The following LRMDA variants were observed in gnomAD, a reference collection of about 807,000 sequenced individuals.
The protein encoded by LRMDA is leucine-rich melanocyte differentiation-associated protein.
In LRMDA, 18 loss-of-function variants were observed where a neutral mutation model predicts 29.8. The observed-to-expected ratio is 0.60, with a 90% CI of 0.42 to 0.90. LRMDA has a LOEUF of 0.90. LRMDA is among the 40% of genes least tolerant of loss of function. LRMDA has a pLI of 0.00. For synonymous variants in LRMDA, 125 were observed against 109.4 expected (o/e 1.14, Z -0.89); for missense variants, 273 against 273.9 (o/e 1.00, Z 0.02).
intron 6 of LRMDA, among the ~76,000 whole-genome samples, chr10:76,525,948 A>G (rs1843170427): frequency 6.6e-6 from 1 of 152,188 alleles, no homozygotes; most frequent in Non-Finnish European, 1.5e-5. Context: ...TGACCACAAC[A>G]TTTAATTCTA....
chr10:76,489,464 C>T (rs1395370326), intron 6 of LRMDA, among the ~76,000 whole-genome samples: 2 of 151,742 alleles, frequency 1.3e-5, no homozygotes, highest in African/African-American at 4.8e-5. Flanking sequence ...AAAAAACAAG[C>T]TTTAATTTCA....
intron 2 of LRMDA, among the ~76,000 whole-genome samples, chr10:75,785,170 G>T (rs1482217229): frequency 6.6e-6 from 1 of 152,164 alleles, no homozygotes. Context: ...TCCTCAACTT[G>T]CTTTTAGCTC....
At chr10:76,176,675 C>A (rs539750738) in intron 5 of LRMDA, among the ~76,000 whole-genome samples, 1 of 152,310 alleles carries the variant, frequency 6.6e-6, no homozygotes, top group African/African-American at 2.4e-5. Flanking sequence ...CACCTGTAAT[C>A]CCAGTTAATC....
chr10:75,431,797 C>A, intron 1 of LRMDA, 43 bp downstream of exon 1: 1 of 1,324,496 alleles, frequency 7.6e-7, no homozygotes, highest in South Asian at 2.2e-5. Context: ...GCGCAGTCCG[C>A]GTGGGGAGGG....
chr10:75,562,061 G>A (rs202035359), intron 2 of LRMDA, among the ~76,000 whole-genome samples: 12,774 of 151,974 alleles, frequency 0.084, 805 homozygotes, highest in East Asian at 0.3. Flanking sequence ...TTGGTGCAGA[G>A]CTGAGTTCAA....
intron 2 of LRMDA, among the ~76,000 whole-genome samples, chr10:75,728,442 G>GTGTGTA (rs1375686863): frequency 6.7e-6 from 1 of 149,736 alleles, no homozygotes; most frequent in East Asian, 1.9e-4. Context: ...GTGTGTGTGT[G>GTGTGTA]TGTGTGTGTG....
chr10:76,548,538 G>C (rs563242609), intron 6 of LRMDA, among the ~76,000 whole-genome samples: 13 of 152,106 alleles, frequency 8.5e-5, no homozygotes, highest in Non-Finnish European at 1.6e-4. Flanking sequence ...GGGCTGGGGA[G>C]GAGAGGGGTT....
intron 2 of LRMDA, among the ~76,000 whole-genome samples, chr10:75,459,887 T>C (rs1025701179): frequency 6.6e-6 from 1 of 152,238 alleles, no homozygotes. Flanking sequence ...GCTCCATTCA[T>C]GAAGGTGGAG....
chr10:76,002,845 A>C (rs923803042), intron 2 of LRMDA, among the ~76,000 whole-genome samples: 13 of 152,174 alleles, frequency 8.5e-5, no homozygotes, highest in African/African-American at 2.9e-4. Flanking sequence ...GCCAGACTGC[A>C]AAGAGTGGGC....
intron 5 of LRMDA, among the ~76,000 whole-genome samples, chr10:76,181,245 C>G (rs185550940): frequency 1.7e-4 from 26 of 152,288 alleles, no homozygotes; most frequent in African/African-American, 6.3e-4. Context: ...ATGTGTAACC[C>G]AAAGCCTTGA....
chr10:76,553,180 A>C (rs1431879498), intron 6 of LRMDA, among the ~76,000 whole-genome samples: 1 of 152,236 alleles, frequency 6.6e-6, no homozygotes, highest in Non-Finnish European at 1.5e-5. Flanking sequence ...GTCTTTCGAA[A>C]AGAAACCCCA....
At chr10:76,259,442 T>C (rs1839905787) in intron 5 of LRMDA, among the ~76,000 whole-genome samples, 1 of 152,184 alleles carries the variant, frequency 6.6e-6, no homozygotes. Context: ...CTTGATATAA[T>C]TTTGACTTAT....
At chr10:76,360,522 C>A (rs1466852448) in intron 6 of LRMDA, among the ~76,000 whole-genome samples, 1 of 152,152 alleles carries the variant, frequency 6.6e-6, no homozygotes, top group Non-Finnish European at 1.5e-5. Flanking sequence ...AACTTACCTA[C>A]ATAAAAGGCA....
intron 2 of LRMDA, among the ~76,000 whole-genome samples, chr10:75,627,288 G>T (rs1320847425): frequency 6.6e-6 from 1 of 152,222 alleles, no homozygotes; most frequent in African/African-American, 2.4e-5. Flanking sequence ...TGAGCCAAGG[G>T]TTGAATTTCC....
intron 2 of LRMDA, among the ~76,000 whole-genome samples, chr10:75,504,830 C>T (rs1335956805): frequency 6.6e-6 from 1 of 152,098 alleles, no homozygotes; most frequent in Non-Finnish European, 1.5e-5. Flanking sequence ...ACCCTAAGAA[C>T]AGTGGGAAAC....
At chr10:75,862,060 A>G (rs1535571) in intron 2 of LRMDA, among the ~76,000 whole-genome samples, 90,671 of 151,852 alleles carry the variant, frequency 0.6, 27,644 homozygotes, top group East Asian at 0.9. Flanking sequence ...GGGGCCTCAA[A>G]TGAGACCAGT....
chr10:75,603,185 T>G (rs1840909512), intron 2 of LRMDA, among the ~76,000 whole-genome samples: 1 of 152,076 alleles, frequency 6.6e-6, no homozygotes, highest in African/African-American at 2.4e-5. Context: ...TAAAGTTTTT[T>G]TTTTTTTTTA....
intron 2 of LRMDA, among the ~76,000 whole-genome samples, chr10:75,633,950 T>G (rs1841359013): frequency 6.6e-6 from 1 of 152,206 alleles, no homozygotes; most frequent in Non-Finnish European, 1.5e-5. Flanking sequence ...ACGTGTTTTA[T>G]TTGGAAGCAC....
At chr10:75,930,043 C>T (rs1185951987) in intron 2 of LRMDA, among the ~76,000 whole-genome samples, 1 of 152,220 alleles carries the variant, frequency 6.6e-6, no homozygotes, top group African/African-American at 2.4e-5. Flanking sequence ...TGAAGACTGT[C>T]AGTCATCCTG....
Sources: gnomAD v4.1 joint callset for allele counts (sites outside exome capture counted in the v4.1 genomes callset) on GRCh38, gnomAD v4.1.1 for gene constraint, MANE v1.5 for transcripts, NCBI Gene and HGNC (gene_info 2026-07-23, HGNC 2026-07-21) for gene names.